The following SND1 variants were observed in gnomAD, a reference collection of about 807,000 sequenced individuals.
SND1 encodes the protein staphylococcal nuclease and tudor domain containing 1, also known as staphylococcal nuclease domain-containing protein 1.
SND1 carries 38 observed loss-of-function variants against 121.7 expected under a neutral mutation model. The observed-to-expected ratio is 0.31, with a 90% CI of 0.24 to 0.41. The LOEUF is 0.41. Ranked by LOEUF, SND1 falls within the 10% of genes least tolerant of loss-of-function variation. SND1 has a pLI of 1.00. For synonymous variants in SND1, 401 were observed against 447.4 expected, an observed-to-expected ratio of 0.90 and a Z score of 1.31; for missense variants, 868 against 1,184.6, an observed-to-expected ratio of 0.73 and a Z score of 3.92.
At position 127,929,144 on chromosome 7, in the gene SND1, G is replaced by A. The variant is rs753404134; in HGVS notation, c.1528-44G>A. 105 of 1,604,980 alleles carry A rather than the reference G, an allele frequency of 6.5e-5. No individual in the cohort carries two copies. In the Middle Eastern group the frequency reaches 8.3e-4, roughly 13 times the overall value. On this transcript the variant is annotated intron_variant, in intron 14 of 23. Coordinates refer to ENST00000354725, the MANE Select transcript of SND1 (RefSeq NM_014390.4). ...TAGACTATAAAGAAAGAAACGTTGG[G>A]TTTTATTACTTTCCAGTTACTCTTT...
chr7:128,048,989 C>T (rs527829458), intron 16 of SND1, among the ~76,000 whole-genome samples: 4 of 152,278 alleles, frequency 2.6e-5, no homozygotes, highest in African/African-American at 9.6e-5. Context: ...CTGTTAGCAG[C>T]ATTACAGAGC....
chr7:127,961,195 T>C (rs1801723183), intron 15 of SND1, among the ~76,000 whole-genome samples: 1 of 152,250 alleles, frequency 6.6e-6, no homozygotes, highest in Non-Finnish European at 1.5e-5. Context: ...ATGTAAAATA[T>C]ATACACACCT....
chr7:127,653,256 C>T (rs1321587654), intron 1 of SND1, among the ~76,000 whole-genome samples: 1 of 152,176 alleles, frequency 6.6e-6, no homozygotes, highest in African/African-American at 2.4e-5. Context: ...TTTATTTTTA[C>T]AATTTACTCC....
At chr7:127,790,637 A>T (rs939995325) in intron 10 of SND1, among the ~76,000 whole-genome samples, 1 of 152,230 alleles carries the variant, frequency 6.6e-6, no homozygotes, top group African/African-American at 2.4e-5. Context: ...GCATAGTGGT[A>T]TCAAAAAGGT....
intron 12 of SND1, among the ~76,000 whole-genome samples, chr7:127,868,255 T>C (rs897650680): frequency 2.0e-5 from 3 of 152,082 alleles, no homozygotes; most frequent in African/African-American, 7.2e-5. Context: ...TGTAGCAGCA[T>C]GCGCCTATAG....
At chr7:128,077,044 C>T (rs927425188) in intron 17 of SND1, among the ~76,000 whole-genome samples, 2 of 152,176 alleles carry the variant, frequency 1.3e-5, no homozygotes, top group Non-Finnish European at 2.9e-5. Context: ...ATGCCTGTCC[C>T]CCCTCCTTAA....
chr7:127,676,988 C>T lies in SND1; in HGVS notation c.79-9625C>T, dbSNP rs541587841. Reference sequence around the variant, plus strand: ...AACTCCTGACCTCAGGTGATCCACCCGCCTTGGCCTCCCAAAGTGTTGGGA... The same window carrying T: ...AACTCCTGACCTCAGGTGATCCACCTGCCTTGGCCTCCCAAAGTGTTGGGA... On this transcript the variant is annotated intron_variant, in intron 1 of 23. Coordinates refer to ENST00000354725, the MANE Select transcript of SND1 (RefSeq NM_014390.4). Among the ~76,000 whole-genome samples the T allele has an allele frequency of 4.6e-5, 7 of 152,316 alleles. No homozygotes were observed. In the East Asian group the frequency reaches 5.8e-4, roughly 13 times the overall value.
chr7:127,884,342 A>C (rs1379140995), intron 12 of SND1, among the ~76,000 whole-genome samples: 3 of 152,154 alleles, frequency 2.0e-5, no homozygotes, highest in Non-Finnish European at 4.4e-5. Context: ...CATGTGTGGC[A>C]GTCATGAAAA....
chr7:127,717,842 T>C (rs966712403), intron 9 of SND1, among the ~76,000 whole-genome samples: 1 of 152,126 alleles, frequency 6.6e-6, no homozygotes, highest in Non-Finnish European at 1.5e-5. Context: ...AGCTTTTTTG[T>C]TTGTTTTATG....
intron 10 of SND1, among the ~76,000 whole-genome samples, chr7:127,765,143 G>C (rs1408486391): frequency 2.6e-5 from 4 of 152,178 alleles, no homozygotes; most frequent in African/African-American, 9.7e-5. Flanking sequence ...ACACCATGAT[G>C]CCACTGGACT....
intron 12 of SND1, among the ~76,000 whole-genome samples, chr7:127,878,963 A>G (rs1188124142): frequency 6.6e-6 from 1 of 151,958 alleles, no homozygotes; most frequent in Non-Finnish European, 1.5e-5. Flanking sequence ...GGGGACAAAA[A>G]TATCGATGAT....
At chr7:128,083,432 G>A (rs1308303880) in intron 18 of SND1, among the ~76,000 whole-genome samples, 1 of 152,240 alleles carries the variant, frequency 6.6e-6, no homozygotes, top group Non-Finnish European at 1.5e-5. Context: ...AGGGGCGGCT[G>A]CTACCTTCAG....
intron 14 of SND1, among the ~76,000 whole-genome samples, chr7:127,919,272 GTTC>G (rs1237649746): frequency 6.6e-6 from 1 of 151,962 alleles, no homozygotes; most frequent in East Asian, 1.9e-4. Flanking sequence ...TTTCTTCTCT[GTTC>G]TTTTCTGAAG....
intron 10 of SND1, among the ~76,000 whole-genome samples, chr7:127,785,667 T>C (rs555516508): frequency 6.6e-6 from 1 of 152,358 alleles, no homozygotes; most frequent in Non-Finnish European, 1.5e-5. Flanking sequence ...CAAATGTGTA[T>C]CTAAAGTCTT....
intron 11 of SND1, among the ~76,000 whole-genome samples, chr7:127,822,873 T>C (rs1021279587): frequency 1.3e-5 from 2 of 152,228 alleles, no homozygotes; most frequent in African/African-American, 4.8e-5. Context: ...GTTTAGTGTA[T>C]GGACTTTGAA....
intron 15 of SND1, among the ~76,000 whole-genome samples, chr7:127,932,291 A>C (rs138813775): frequency 1.8e-3 from 279 of 152,362 alleles, no homozygotes; most frequent in African/African-American, 6.4e-3. Context: ...TCAAGACTTC[A>C]ATGGAGGAAG....
intron 12 of SND1, among the ~76,000 whole-genome samples, chr7:127,856,937 G>A (rs562066770): frequency 6.6e-6 from 1 of 151,884 alleles, no homozygotes; most frequent in Non-Finnish European, 1.5e-5. Context: ...TGCTTCTTGT[G>A]TCACTTAGCA....
In SND1 at chr7:128,085,845, T is replaced by G; in HGVS notation, c.2304+65T>G. On this transcript the variant is annotated intron_variant, in intron 20 of 23. Transcript: ENST00000354725. The surrounding 1 kb of genome is among the most constrained non-coding windows in gnomAD (Gnocchi z 4.4). The stretch of plus-strand genomic sequence containing the variant: ...CACAGCAGCCCCCGAGTCAAATCCA[T>G]CTGATCTCTCCAAGGTCCCTCTGAG... The G allele has an allele frequency of 7.4e-7, 1 of 1,345,554 alleles. No homozygotes were observed. Among genetic ancestry groups the G allele is most frequent in the Non-Finnish European group, 1.1e-6 (1 of 936,780 alleles). The allele number at this position is 1,345,554 out of a possible 1,614,324, so 83.4% of individuals were successfully genotyped here. A position where few individuals can be genotyped will look rare whatever the true frequency, so the allele number is the denominator to read the frequency against.
At chr7:127,928,507 C>CTTT (rs745644708) in intron 14 of SND1, among the ~76,000 whole-genome samples, 1 of 109,476 alleles carries the variant, frequency 9.1e-6, no homozygotes, top group Non-Finnish European at 1.9e-5. Flanking sequence ...CTAGGCGTCG[C>CTTT]TTTTTTTTTT....
Sources: allele counts gnomAD v4.1 joint callset (sites outside exome capture counted in the v4.1 genomes callset), GRCh38; gene constraint gnomAD v4.1.1; non-coding constraint Gnocchi (gnomAD v3.1); transcripts MANE v1.5; gene names NCBI Gene and HGNC (gene_info 2026-07-23, HGNC 2026-07-21).